TBL3: variants seen among roughly 807,000 people sequenced by gnomAD.
TBL3 encodes transducin beta-like protein 3.
TBL3 carries 71 observed loss-of-function variants against 102.7 expected under a neutral mutation model. The observed-to-expected ratio is 0.69, with a 90% CI of 0.57 to 0.84. TBL3 has a LOEUF of 0.84. Ranked by LOEUF, TBL3 falls within the 40% of genes least tolerant of loss-of-function variation. The probability of loss-of-function intolerance (pLI) is 0.00; values close to 1 mark genes in which losing one functional copy is unlikely to be tolerated. For synonymous variants in TBL3, 578 were observed against 477.7 expected, an observed-to-expected ratio of 1.21 and a Z score of -2.74; for missense variants, 1,188 against 1,098.5, an observed-to-expected ratio of 1.08 and a Z score of -1.15.
Position 1,981,116 on chromosome 16 carries a change from G to A in TBL3, c.*2431G>A. 6.2e-7 allele frequency: 1 copy of A among 1,613,334 alleles called. No individual in the cohort carries two copies. The highest frequency in any genetic ancestry group is 1.3e-5 in the African/African-American group (1 of 75,064). ...CTAAGGACCCAGCCAGGTCTTACTT[G>A]GAGCCTCTTGATCTGCACCAGGGCT... On this transcript the variant is annotated 3_prime_UTR_variant, in exon 22 of 22. Coordinates refer to ENST00000568546, the MANE Select transcript of TBL3 (RefSeq NM_006453.3).
Position 1,980,164 on chromosome 16 carries a change from G to A in TBL3, c.*1479G>A, listed in dbSNP as rs367786229. The A allele has an allele frequency of 8.7e-6, 14 of 1,603,028 alleles. No individual in the cohort carries two copies. The African/African-American group carries it at 1.7e-4, about 20-fold the overall frequency. On this transcript the variant is annotated 3_prime_UTR_variant, in exon 22 of 22. Transcript: ENST00000568546. ...GCGAGAAAGAGGCTGCTCCTCTGGG[G>A]TGGGCAGGATCACCCGGCTGGGAAG...
chr16:1,980,454 G>A lies in TBL3; in HGVS notation c.*1769G>A. On this transcript the variant is annotated 3_prime_UTR_variant, in exon 22 of 22. Coordinates refer to ENST00000568546, the MANE Select transcript of TBL3 (RefSeq NM_006453.3). The stretch of plus-strand genomic sequence containing the variant: ...CGGGCTCCGTGCCACGCGCTCTGCA[G>A]TCGCCAGCAGCCTCCGAGAATAGGT... The A allele has an allele frequency of 1.2e-6, 2 of 1,601,932 alleles. No homozygotes were observed. The highest frequency in any genetic ancestry group is 2.2e-5 in the East Asian group (1 of 44,868).
At chr16:1,977,007 G>C in intron 14 of TBL3, 46 bp downstream of exon 14, 11 of 1,612,436 alleles carry the variant, frequency 6.8e-6, no homozygotes, top group Non-Finnish European at 8.5e-6. Context: ...AGCCCTTGCT[G>C]GGGGAAGATG....
rs763004885 is a variant in TBL3, at chr16:1,977,238, A to G, written c.1625A>G (p.Asp542Gly). 6.2e-7 allele frequency: 1 copy of G among 1,613,212 alleles called. No individual in the cohort carries two copies. Among genetic ancestry groups the G allele is most frequent in the Non-Finnish European group, 8.5e-7 (1 of 1,179,936 alleles). Residue 542 changes from aspartate (D) to glycine (G), a missense_variant, in exon 15 of 22, where the codon GAT becomes GGT. Coordinates refer to ENST00000568546, the MANE Select transcript of TBL3 (RefSeq NM_006453.3). ...CAGGTGCTGGCCACGGCCTCAGCTGATGGCACCATCAAGCTCTGGGCACTC... is the reference window on the plus strand; with the variant it reads ...CAGGTGCTGGCCACGGCCTCAGCTGGTGGCACCATCAAGCTCTGGGCACTC... ...MDQVLATASADGTIKLWALQD... is the reference protein window; with the variant it reads ...MDQVLATASAGGTIKLWALQD...
rs2083383674 is a variant in TBL3, at chr16:1,974,524, G to A, written c.238-14G>A. 1 of 1,598,872 alleles carries A rather than the reference G, an allele frequency of 6.3e-7. No homozygotes were observed. The highest frequency in any genetic ancestry group is 1.1e-5 in the South Asian group (1 of 89,198). On this transcript the variant is annotated splice_polypyrimidine_tract_variant and intron_variant, in intron 4 of 21. Coordinates refer to ENST00000568546, the MANE Select transcript of TBL3 (RefSeq NM_006453.3). ...GGTATTGCTGCCCCTCTGCTGACCT[G>A]TACCCTCCCCCAGGTGCTGGTGACA...
Position 1,980,198 on chromosome 16 carries a change from G to A in TBL3, c.*1513G>A, listed in dbSNP as rs2083473605. ...ATCACCCGGCTGGGAAGGGCAGCCC[G>A]TACGAGTGAGAGGTAGGCGGATGGG... On this transcript the variant is annotated 3_prime_UTR_variant, in exon 22 of 22. Coordinates refer to ENST00000568546, the MANE Select transcript of TBL3 (RefSeq NM_006453.3). 2.5e-6 allele frequency: 4 copies of A among 1,588,084 alleles called. No individual in the cohort carries two copies. Among genetic ancestry groups the A allele is most frequent in the Non-Finnish European group, 3.4e-6 (4 of 1,170,428 alleles).
In TBL3 at chr16:1,979,251, G is replaced by A. The variant is rs560215929; in HGVS notation, c.*566G>A. On this transcript the variant is annotated 3_prime_UTR_variant, in exon 22 of 22. Transcript: ENST00000568546. ...AGGGAAGCCCCGGGCCTCACCCGCC[G>A]GGTCGTCTCCTCCACGGAACCCCGT... is the stretch of plus-strand genomic sequence containing the variant. The A allele has an allele frequency of 2.4e-4, 362 of 1,519,086 alleles. No individual in the cohort carries two copies. Among genetic ancestry groups the A allele is most frequent in the Non-Finnish European group, 3.0e-4 (342 of 1,140,016 alleles). The allele number at this position is 1,519,086 out of a possible 1,614,324, so 94.1% of individuals were successfully genotyped here.
In TBL3 at chr16:1,980,465, C is replaced by T. The variant is rs771079422; in HGVS notation, c.*1780C>T. On this transcript the variant is annotated 3_prime_UTR_variant, in exon 22 of 22. Coordinates refer to ENST00000568546, the MANE Select transcript of TBL3 (RefSeq NM_006453.3). ...CCACGCGCTCTGCAGTCGCCAGCAGCCTCCGAGAATAGGTTTCCAACAGCT... is the reference window on the plus strand; with the variant it reads ...CCACGCGCTCTGCAGTCGCCAGCAGTCTCCGAGAATAGGTTTCCAACAGCT... 3 of 1,601,956 alleles carry T rather than the reference C, an allele frequency of 1.9e-6. No individual in the cohort carries two copies. In the South Asian group the frequency reaches 3.3e-5, roughly 18 times the overall value.
In TBL3 at chr16:1,975,597, G is replaced by A. The variant is rs762730610; in HGVS notation, c.874G>A (p.Gly292Arg). The A allele has an allele frequency of 3.7e-6, 6 of 1,601,254 alleles. No homozygotes were observed. Among genetic ancestry groups the A allele is most frequent in the Middle Eastern group, 3.3e-4 (2 of 5,996 alleles). ...CACGCAGGCCCAGCCGCCGGGCCCT[G>A]GGCAGGAGCTGACCCACTGCACCCT... ...VYTQAQPPGP[G>R]QELTHCTLAH... is the part of the protein sequence containing the mutation. The change falls in exon 10 of 22, where the codon GGG (glycine) becomes AGG (arginine). Residue 292 changes from glycine to arginine, a missense_variant. By Grantham distance (125) the Gly-to-Arg change is moderately radical. Coordinates refer to ENST00000568546, the MANE Select transcript of TBL3 (RefSeq NM_006453.3).
chr16:1,974,802 G>C lies in TBL3; in HGVS notation c.419G>C (p.Arg140Pro), dbSNP rs139733965. 1 of 1,613,282 alleles carries C rather than the reference G, an allele frequency of 6.2e-7. No individual in the cohort carries two copies. The highest frequency in any genetic ancestry group is 8.5e-7 in the Non-Finnish European group (1 of 1,179,980). Residue 140 changes from arginine (R) to proline (P), a missense_variant, in exon 6 of 22, where the codon CGG becomes CCG. By Grantham distance (103) the Arg-to-Pro change is moderately radical (BLOSUM62 -2). Transcript: ENST00000568546. ...GCCGTGCGCGTCTGGGACATCGTGCGGCACTACGGGACACACCACTTCCGA... is the reference window on the plus strand; with the variant it reads ...GCCGTGCGCGTCTGGGACATCGTGCCGCACTACGGGACACACCACTTCCGA... ...DGAVRVWDIVRHYGTHHFRGS... is the reference protein window; with the variant it reads ...DGAVRVWDIVPHYGTHHFRGS...
At position 1,979,343 on chromosome 16, in the gene TBL3, G is replaced by A; in HGVS notation, c.*658G>A. On this transcript the variant is annotated 3_prime_UTR_variant, in exon 22 of 22. Coordinates refer to ENST00000568546, the MANE Select transcript of TBL3 (RefSeq NM_006453.3). The stretch of plus-strand genomic sequence containing the variant: ...CCGCGGGGAGTAGGCCCGCCCGGTC[G>A]CCGTACCTGCGAGGGGCGGGGTGTG... 6.3e-7 allele frequency: 1 copy of A among 1,576,702 alleles called. No individual in the cohort carries two copies. The highest frequency in any genetic ancestry group is 8.6e-7 in the Non-Finnish European group (1 of 1,168,742).
Position 1,975,829 on chromosome 16 carries a change from G to A in TBL3, c.1009G>A (p.Val337Ile), listed in dbSNP as rs1036880688. Residue 337 changes from valine to isoleucine, a missense_variant, in exon 11 of 22, where the codon GTT becomes ATT. Coordinates refer to ENST00000568546, the MANE Select transcript of TBL3 (RefSeq NM_006453.3). ...GCAGTTCGCTGGCTACAGTGAGGAG[G>A]TTTTGGATGTCCGGTTTCTTGGGCC... ...QKQFAGYSEE[V>I]LDVRFLGPED... 1 of 1,614,204 alleles carries A rather than the reference G, an allele frequency of 6.2e-7. No homozygotes were observed. Among genetic ancestry groups the A allele is most frequent in the Non-Finnish European group, 8.5e-7 (1 of 1,180,046 alleles).
rs371773365 is a variant in TBL3 at position 1,973,311 on chromosome 16, C to G, written c.42-745C>G. 2.6e-4 allele frequency among the ~76,000 whole-genome samples: 39 copies of G among 149,782 alleles called. No homozygotes were observed. In the South Asian group the frequency reaches 6.5e-3, roughly 25 times the overall value. On this transcript the variant is annotated intron_variant, in intron 1 of 21. Transcript: ENST00000568546. ...GGGCGCAGTGGCGGGCACCTGTAGTCCCAGCTACTCGGAGAGGCTGAGGCA... is the reference window on the plus strand; with the variant it reads ...GGGCGCAGTGGCGGGCACCTGTAGTGCCAGCTACTCGGAGAGGCTGAGGCA...
rs773511702 is a variant in TBL3, at chr16:1,974,949, C to G, written c.486C>G (p.Asp162Glu). 1 of 1,610,666 alleles carries G rather than the reference C, an allele frequency of 6.2e-7. No homozygotes were observed. Among genetic ancestry groups the G allele is most frequent in the African/African-American group, 1.3e-5 (1 of 74,914 alleles). The change falls in exon 7 of 22, where the codon GAC becomes GAG. Residue 162 changes from aspartate (D) to glutamate (E), a missense_variant. Transcript: ENST00000568546. ...ACAGCCTAGTGGCCTTCCACCCGGA[C>G]CCTACACGCCTGCTGCTCTTCTCCT... ...GVVHLVAFHP[D>E]PTRLLLFSSA...
rs2083465185 is a variant in TBL3, at chr16:1,979,975, C to T, written c.*1290C>T. ...GGTCCAGGAGCAGAGGAGCAAATCCCTGGGTTCTTGGGGGGCCCTACCTGA... is the reference window on the plus strand; with the variant it reads ...GGTCCAGGAGCAGAGGAGCAAATCCTTGGGTTCTTGGGGGGCCCTACCTGA... On this transcript the variant is annotated 3_prime_UTR_variant, in exon 22 of 22. Coordinates refer to ENST00000568546, the MANE Select transcript of TBL3 (RefSeq NM_006453.3). The T allele has an allele frequency of 6.3e-7, 1 of 1,593,522 alleles. No individual in the cohort carries two copies. The highest frequency in any genetic ancestry group is 8.5e-7 in the Non-Finnish European group (1 of 1,170,854).
At chr16:1,978,269 G>T (rs1224522755) in intron 20 of TBL3, 44 bp from the exon 21 acceptor site, 1 of 1,612,014 alleles carries the variant, frequency 6.2e-7, no homozygotes, top group Non-Finnish European at 8.5e-7. Context: ...GGCCAGTCAT[G>T]GCAGATTGGC....
Position 1,979,481 on chromosome 16 carries a change from G to A in TBL3, c.*796G>A, listed in dbSNP as rs755737441. On this transcript the variant is annotated 3_prime_UTR_variant, in exon 22 of 22. Transcript: ENST00000568546. The stretch of plus-strand genomic sequence containing the variant: ...CCAACACGCGCACGCGCGCCCCCGC[G>A]GGCACGGACAGCTCATCTGCGCGGC... The A allele has an allele frequency of 6.2e-7, 1 of 1,611,916 alleles. No homozygotes were observed. The highest frequency in any genetic ancestry group is 1.1e-5 in the South Asian group (1 of 90,976).
At position 1,980,562 on chromosome 16, in the gene TBL3, A is replaced by T; in HGVS notation, c.*1877A>T. ...TGGTGCATCTTAAGGCACCACAAAA[A>T]CGTACTGTGATACGCCGCTTTGGGC... is the stretch of plus-strand genomic sequence containing the variant. On this transcript the variant is annotated 3_prime_UTR_variant, in exon 22 of 22. Coordinates refer to ENST00000568546, the MANE Select transcript of TBL3 (RefSeq NM_006453.3). 1 of 1,598,294 alleles carries T rather than the reference A, an allele frequency of 6.3e-7. No individual in the cohort carries two copies. The highest frequency in any genetic ancestry group is 8.5e-7 in the Non-Finnish European group (1 of 1,172,056).
Position 1,972,106 on chromosome 16 carries a change from A to C in TBL3, c.-59A>C. ...GAAGAGTTCGGTGCTAACCTCCCTC[A>C]CGCGGCGGTGGCTGCCGGGACCCTA... On this transcript the variant is annotated 5_prime_UTR_variant, in exon 1 of 22. Coordinates refer to ENST00000568546, the MANE Select transcript of TBL3 (RefSeq NM_006453.3). The C allele has an allele frequency of 6.8e-7, 1 of 1,462,508 alleles. No individual in the cohort carries two copies. The highest frequency in any genetic ancestry group is 9.1e-7 in the Non-Finnish European group (1 of 1,104,896). The allele number at this position is 1,462,508 out of a possible 1,614,324, so 90.6% of individuals were successfully genotyped here.
Sources: gnomAD v4.1 joint callset for allele counts (sites outside exome capture counted in the v4.1 genomes callset) on GRCh38, gnomAD v4.1.1 for gene constraint, MANE v1.5 for transcripts, NCBI Gene and HGNC (gene_info 2026-07-23, HGNC 2026-07-21) for gene names.